Variants in ZNF521 observed in about 807,000 individuals in gnomAD.
ZNF521 encodes the protein zinc finger protein 521, also known as LYST-interacting protein 3.
ZNF521 carries 14 observed loss-of-function variants against 105.5 expected under a neutral mutation model. The ratio of observed to expected loss-of-function variants is 0.13; its 90% confidence interval spans 0.09 to 0.21. The LOEUF is 0.21. Ranked by LOEUF, ZNF521 falls within the 10% of genes least tolerant of loss-of-function variation. The pLI, the probability that ZNF521 is intolerant of heterozygous loss-of-function variation, is 1.00. For missense variants in ZNF521, 1,233 were observed against 1,629.7 expected, an observed-to-expected ratio of 0.76 and a Z score of 4.19; for synonymous variants, 635 against 606.0, an observed-to-expected ratio of 1.05 and a Z score of -0.70.
At chr18:25,217,530 T>TCTCC (rs1905405070) in intron 4 of ZNF521, among the ~76,000 whole-genome samples, 1 of 152,146 alleles carries the variant, frequency 6.6e-6, no homozygotes, top group Admixed American at 6.5e-5. Context: ...ACCAGGAGTC[T>TCTCC]AGGGTATACA....
chr18:25,318,226 C>T (rs2145133916), intron 3 of ZNF521, among the ~76,000 whole-genome samples: 1 of 152,180 alleles, frequency 6.6e-6, no homozygotes, highest in African/African-American at 2.4e-5. Context: ...AAAAAGGGTG[C>T]ACGCCGTACA....
At chr18:25,089,886 C>T (rs1175436321) in intron 6 of ZNF521, among the ~76,000 whole-genome samples, 3 of 152,176 alleles carry the variant, frequency 2.0e-5, no homozygotes, top group Admixed American at 1.3e-4. Flanking sequence ...TCTGTCTCAA[C>T]AGAAATGACT....
chr18:25,288,217 G>A (rs1910815418), intron 3 of ZNF521, among the ~76,000 whole-genome samples: 1 of 152,126 alleles, frequency 6.6e-6, no homozygotes, highest in African/African-American at 2.4e-5. Context: ...ACTGTTCAGG[G>A]ACAGTAAGCA....
chr18:25,169,864 T>C (rs1295457141), intron 5 of ZNF521, among the ~76,000 whole-genome samples: 1 of 152,202 alleles, frequency 6.6e-6, no homozygotes, highest in Non-Finnish European at 1.5e-5. Flanking sequence ...ATCTTCACTG[T>C]TTTTCTTCGG....
At chr18:25,105,606 A>G (rs1248065143) in intron 5 of ZNF521, among the ~76,000 whole-genome samples, 1 of 152,184 alleles carries the variant, frequency 6.6e-6, no homozygotes, top group Non-Finnish European at 1.5e-5. Context: ...GGGTTTATAT[A>G]CATCCATTCT....
At chr18:25,078,483 G>C (rs2033416621) in intron 7 of ZNF521, among the ~76,000 whole-genome samples, 1 of 152,150 alleles carries the variant, frequency 6.6e-6, no homozygotes, top group East Asian at 1.9e-4. Flanking sequence ...CCAAACATCA[G>C]AATGAGACCG....
At chr18:25,161,697 C>G (rs1306186286) in intron 5 of ZNF521, among the ~76,000 whole-genome samples, 1 of 152,122 alleles carries the variant, frequency 6.6e-6, no homozygotes, top group Non-Finnish European at 1.5e-5. Flanking sequence ...CACACTGATG[C>G]GTTAACTTTT....
intron 4 of ZNF521, among the ~76,000 whole-genome samples, chr18:25,204,624 T>A (rs1476370134): frequency 6.6e-6 from 1 of 152,156 alleles, no homozygotes; most frequent in Non-Finnish European, 1.5e-5. Context: ...CAAAATTGTC[T>A]CCTAACAAAT....
chr18:25,223,951 C>A, intron 4 of ZNF521: 1 of 240,146 alleles, frequency 4.2e-6, no homozygotes, highest in Non-Finnish European at 8.2e-6. Flanking sequence ...TTACTCTAAG[C>A]CAGCATGGTG....
intron 7 of ZNF521, 82 bp downstream of exon 7, chr18:25,089,383 G>A: frequency 2.8e-6 from 3 of 1,084,076 alleles, no homozygotes; most frequent in Non-Finnish European, 4.2e-6. Context: ...GAGTGATACT[G>A]TGAATCCAGA....
At chr18:25,347,087 G>A (rs1914495922) in intron 2 of ZNF521, among the ~76,000 whole-genome samples, 1 of 152,148 alleles carries the variant, frequency 6.6e-6, no homozygotes, top group South Asian at 2.1e-4. Context: ...TAGCCAGCAA[G>A]AAAAATAGAA....
Position 25,224,707 on chromosome 18 carries a change from G to A in ZNF521, c.3211C>T (p.Leu1071Phe), listed in dbSNP as rs1905984971. The change falls in exon 4 of 8, where the codon CTC becomes TTC. Residue 1071 changes from leucine (L) to phenylalanine (F), a missense_variant. Leu to Phe is a conservative substitution (Grantham distance 22, BLOSUM62 0). Coordinates refer to ENST00000361524, the MANE Select transcript of ZNF521 (RefSeq NM_015461.3). ...VQKLYKCASC[L>F]KEFRSKQDLV... ...TCTTGCTTGGAACGGAATTCTTTGAGGCAAGATGCGCACTTATACAGTTTT... is the reference window on the plus strand; with the variant it reads ...TCTTGCTTGGAACGGAATTCTTTGAAGCAAGATGCGCACTTATACAGTTTT... 1 of 1,613,900 alleles carries A rather than the reference G, an allele frequency of 6.2e-7. No homozygotes were observed. The highest frequency in any genetic ancestry group is 1.1e-5 in the South Asian group (1 of 91,086).
At chr18:25,123,128 T>A (rs2034474488) in intron 5 of ZNF521, among the ~76,000 whole-genome samples, 2 of 145,350 alleles carry the variant, frequency 1.4e-5, no homozygotes, top group Admixed American at 1.4e-4. Context: ...TTATCTGTAC[T>A]TACAAATGAC....
chr18:25,336,043 CA>C (rs1568085467), intron 2 of ZNF521, among the ~76,000 whole-genome samples: 1 of 152,104 alleles, frequency 6.6e-6, no homozygotes, highest in Non-Finnish European at 1.5e-5. Context: ...AAGAAGAAAC[CA>C]AGAGGAAAAC....
rs1353699792 is a variant in ZNF521, at chr18:25,091,512, T to C, written c.3790+438A>G. On this transcript the variant is annotated intron_variant, in intron 6 of 7. Coordinates refer to ENST00000361524, the MANE Select transcript of ZNF521 (RefSeq NM_015461.3). ...GTGAGTTTTAATACTATCTTTGTATTTCTGGTGGAGAATGTTATGAAATTC... is the reference window on the plus strand; with the variant it reads ...GTGAGTTTTAATACTATCTTTGTATCTCTGGTGGAGAATGTTATGAAATTC... 2.0e-5 allele frequency among the ~76,000 whole-genome samples: 3 copies of C among 152,166 alleles called. No individual in the cohort carries two copies. In the East Asian group the frequency reaches 5.8e-4, roughly 29 times the overall value.
chr18:25,110,077 T>C (rs2034154287), intron 5 of ZNF521, among the ~76,000 whole-genome samples: 1 of 152,218 alleles, frequency 6.6e-6, no homozygotes, highest in Admixed American at 6.5e-5. Flanking sequence ...GAAGAAGCCA[T>C]AGGCTGTGGG....
In ZNF521 at chr18:25,134,382, C is replaced by G. The variant is rs552481069; in HGVS notation, c.3659-42301G>C. On this transcript the variant is annotated intron_variant, in intron 5 of 7. Transcript: ENST00000361524. The stretch of plus-strand genomic sequence containing the variant: ...CACCATAGCTACTGCTCAGTTAGAT[C>G]GATGGCCTATAATTACCTGGGAATT... Among the ~76,000 whole-genome samples the G allele has an allele frequency of 6.6e-5, 10 of 152,246 alleles. No homozygotes were observed. The East Asian group carries it at 1.9e-3, about 29-fold the overall frequency.
intron 3 of ZNF521, among the ~76,000 whole-genome samples, chr18:25,252,399 T>A (rs1416309856): frequency 6.6e-6 from 1 of 152,190 alleles, no homozygotes; most frequent in Non-Finnish European, 1.5e-5. Context: ...TGCTCCACAG[T>A]TAAATGTGTC....
chr18:25,063,996 A>C (rs1395917546), intron 7 of ZNF521, among the ~76,000 whole-genome samples: 2 of 152,154 alleles, frequency 1.3e-5, no homozygotes, highest in Non-Finnish European at 2.9e-5. Flanking sequence ...CCTGGCTCTC[A>C]CTCATGCCAA....
Sources: gnomAD v4.1 joint callset for allele counts (sites outside exome capture counted in the v4.1 genomes callset) on GRCh38, gnomAD v4.1.1 for gene constraint, MANE v1.5 for transcripts, NCBI Gene and HGNC (gene_info 2026-07-23, HGNC 2026-07-21) for gene names.